The following ZSWIM5 variants were observed in gnomAD, a reference collection of about 807,000 sequenced individuals.
The protein encoded by ZSWIM5 is zinc finger SWIM domain-containing protein 5.
Under a neutral mutation model 119.6 loss-of-function variants are expected in ZSWIM5, and 55 were observed. The ratio of observed to expected loss-of-function variants is 0.46; its 90% CI spans 0.37 to 0.58. The LOEUF is 0.58. ZSWIM5 is among the 20% of genes least tolerant of loss of function. The pLI is 0.00. For synonymous variants in ZSWIM5, 537 were observed against 606.9 expected (o/e 0.88, Z 1.69); for missense variants, 1,193 against 1,512.8 (o/e 0.79, Z 3.51).
Position 45,020,013 on chromosome 1 carries a change from G to C in ZSWIM5, c.2695+53C>G, listed in dbSNP as rs1437202782. On this transcript the variant is annotated intron_variant, in intron 13 of 13. Coordinates refer to ENST00000359600, the MANE Select transcript of ZSWIM5 (RefSeq NM_020883.2). ...AAGGATTGATTGTCCTGTCCCAAGA[G>C]TAGGGCCTAGAAACTCCTTTCCCCT... is the stretch of plus-strand genomic sequence containing the variant. The C allele has an allele frequency of 4.7e-6, 7 of 1,476,910 alleles. No individual in the cohort carries two copies. In the East Asian group the frequency reaches 1.6e-4, roughly 33 times the overall value. The allele number at this position is 1,476,910 out of a possible 1,614,324, so 91.5% of individuals were successfully genotyped here. A position where few individuals can be genotyped will look rare whatever the true frequency, so the allele number is the denominator to read the frequency against.
At chr1:45,036,644 C>T (rs141216819) in intron 8 of ZSWIM5, among the ~76,000 whole-genome samples, 45 of 152,032 alleles carry the variant, frequency 3.0e-4, no homozygotes, top group Non-Finnish European at 5.3e-4. Context: ...TGTGAGCCAC[C>T]GTATTCGGCC....
intron 12 of ZSWIM5, 133 bp downstream of exon 12, chr1:45,020,492 C>T (rs528893924): frequency 3.3e-4 from 374 of 1,118,852 alleles, no homozygotes; most frequent in Non-Finnish European, 4.7e-4. Flanking sequence ...TTTTCCCTAG[C>T]CTAGAACTTG....
rs1264141095 is a variant in ZSWIM5, at chr1:45,136,351, A to G, written c.596-48114T>C. On this transcript the variant is annotated intron_variant, in intron 1 of 13. Transcript: ENST00000359600. Reference sequence around the variant, plus strand: ...TAAAATATAATTTATCATGGTTACAAAATTTCATAGCGAAAATAAAAGCAA... The same window carrying G: ...TAAAATATAATTTATCATGGTTACAGAATTTCATAGCGAAAATAAAAGCAA... 2.0e-5 allele frequency among the ~76,000 whole-genome samples: 3 copies of G among 152,206 alleles called. No homozygotes were observed. In the East Asian group the frequency reaches 5.8e-4, roughly 29 times the overall value.
At chr1:45,158,395 C>T (rs771629111) in intron 1 of ZSWIM5, among the ~76,000 whole-genome samples, 3 of 152,160 alleles carry the variant, frequency 2.0e-5, no homozygotes, top group Non-Finnish European at 2.9e-5. Flanking sequence ...TCTCAAACTC[C>T]TGGCCTCAAG....
chr1:45,154,088 G>T (rs1325696866), intron 1 of ZSWIM5, among the ~76,000 whole-genome samples: 1 of 152,126 alleles, frequency 6.6e-6, no homozygotes, highest in Non-Finnish European at 1.5e-5. Flanking sequence ...ACTGGCGAAA[G>T]AAATCATAGA....
chr1:45,031,225 G>A (rs1557741045), intron 11 of ZSWIM5, among the ~76,000 whole-genome samples: 1 of 124,700 alleles, frequency 8.0e-6, no homozygotes, highest in Admixed American at 1.0e-4. Context: ...TGCCCAGGCT[G>A]GAGGGCAGTG....
chr1:45,044,200 A>AG (rs1345423826), intron 5 of ZSWIM5, among the ~76,000 whole-genome samples: 4 of 44,336 alleles, frequency 9.0e-5, no homozygotes, highest in Admixed American at 2.7e-4. Context: ...AAAAAAAAAA[A>AG]AAAGAGAGAG....
intron 1 of ZSWIM5, among the ~76,000 whole-genome samples, chr1:45,126,684 C>T (rs1211291408): frequency 7.9e-5 from 12 of 152,200 alleles, no homozygotes; most frequent in South Asian, 2.1e-4. Flanking sequence ...AGGAGGATAG[C>T]TTGAGCTCAG....
At chr1:45,168,411 C>T (rs180967500) in intron 1 of ZSWIM5, among the ~76,000 whole-genome samples, 4 of 151,962 alleles carry the variant, frequency 2.6e-5, no homozygotes, top group African/African-American at 9.6e-5. Flanking sequence ...AGCACACCAA[C>T]ATGGCACATG....
At position 45,206,357 on chromosome 1, in the gene ZSWIM5, G is replaced by GGACTGACT. The variant is rs763831716; in HGVS notation, c.-15_-8dup. On this transcript the variant is annotated 5_prime_UTR_variant, in exon 1 of 14. Transcript: ENST00000359600. Reference sequence around the variant, plus strand: ...GCTCACCTCCGTCCGCCATTGCTGGGGACTGACTGACTGACTGAGGCGGCG... The same window carrying GGACTGACT: ...GCTCACCTCCGTCCGCCATTGCTGGGGACTGACTGACTGACTGACTGACTGAGGCGGCG... 1.4e-6 allele frequency: 2 copies of GGACTGACT among 1,422,092 alleles called. No individual in the cohort carries two copies. Among genetic ancestry groups the GGACTGACT allele is most frequent in the Middle Eastern group, 1.9e-4 (1 of 5,230 alleles). 88.1% of individuals were successfully genotyped at this position (1,422,092 alleles called of 1,614,324 possible).
At chr1:45,142,611 G>A (rs1645734246) in intron 1 of ZSWIM5, among the ~76,000 whole-genome samples, 1 of 152,052 alleles carries the variant, frequency 6.6e-6, no homozygotes, top group Non-Finnish European at 1.5e-5. Flanking sequence ...ACAGGTATGA[G>A]CCATGGTGCC....
chr1:45,158,892 C>T (rs1645846880), intron 1 of ZSWIM5, among the ~76,000 whole-genome samples: 1 of 151,940 alleles, frequency 6.6e-6, no homozygotes, highest in Non-Finnish European at 1.5e-5. Context: ...CTAACATATG[C>T]AAAATAAAGC....
At chr1:45,031,169 A>ATCTTTT in intron 11 of ZSWIM5, among the ~76,000 whole-genome samples, 1 of 61,744 alleles carries the variant, frequency 1.6e-5, no homozygotes, top group African/African-American at 7.0e-5. Context: ...TTTTGCTCTG[A>ATCTTTT]TTTTTTTTTT....
intron 8 of ZSWIM5, among the ~76,000 whole-genome samples, chr1:45,038,623 A>ATTTTTTTT (rs1645000137): frequency 7.1e-4 from 1 of 1,414 alleles, no homozygotes; most frequent in African/African-American, 1.7e-3. Flanking sequence ...TTTTTTTTTA[A>ATTTTTTTT]TGAAACAGGG....
chr1:45,191,696 A>G (rs2149053479), intron 1 of ZSWIM5, among the ~76,000 whole-genome samples: 1 of 152,348 alleles, frequency 6.6e-6, no homozygotes, highest in South Asian at 2.1e-4. Context: ...GTCCAAGGTT[A>G]CACAGCTAGA....
intron 5 of ZSWIM5, among the ~76,000 whole-genome samples, chr1:45,046,888 G>A (rs1009940472): frequency 4.0e-5 from 6 of 151,748 alleles, no homozygotes; most frequent in African/African-American, 1.5e-4. Context: ...GTCAGGCGTG[G>A]TGGTGGGCAC....
At chr1:45,041,740 G>A in intron 6 of ZSWIM5, among the ~76,000 whole-genome samples, 1 of 152,116 alleles carries the variant, frequency 6.6e-6, no homozygotes, top group Admixed American at 6.5e-5. Context: ...GTTTCACCAT[G>A]TTGGCCAGGC....
At chr1:45,027,786 C>T (rs1644929378) in intron 11 of ZSWIM5, among the ~76,000 whole-genome samples, 1 of 152,170 alleles carries the variant, frequency 6.6e-6, no homozygotes, top group Non-Finnish European at 1.5e-5. Context: ...TCAAGTGATC[C>T]TCCCACCTCA....
chr1:45,039,537 C>T (rs1645006700), intron 7 of ZSWIM5, among the ~76,000 whole-genome samples: 1 of 151,806 alleles, frequency 6.6e-6, no homozygotes, highest in African/African-American at 2.4e-5. Context: ...AGGCATGTGC[C>T]ACTATGCCTG....
Sources: allele counts gnomAD v4.1 joint callset (sites outside exome capture counted in the v4.1 genomes callset), GRCh38; gene constraint gnomAD v4.1.1; transcripts MANE v1.5; gene names NCBI Gene and HGNC (gene_info 2026-07-23, HGNC 2026-07-21).